Variants in PLEKHH2 observed in about 807,000 individuals in gnomAD.
PLEKHH2 encodes the protein pleckstrin homology domain-containing family H member 2.
Under a neutral mutation model 187.9 loss-of-function variants are expected in PLEKHH2, and 129 were observed. That is an observed-to-expected ratio of 0.69 (90% CI 0.59 to 0.79). PLEKHH2 has a LOEUF of 0.79. Ranked by LOEUF, PLEKHH2 falls within the 30% of genes least tolerant of loss-of-function variation. PLEKHH2 has a pLI of 0.00. For missense variants in PLEKHH2, 2,076 were observed against 1,751.2 expected (o/e 1.19, Z -3.31); for synonymous variants, 686 against 605.6 (o/e 1.13, Z -1.95).
intron 24 of PLEKHH2, among the ~76,000 whole-genome samples, chr2:43,753,086 A>G (rs1323638004): frequency 1.3e-5 from 2 of 152,176 alleles, no homozygotes; most frequent in Non-Finnish European, 2.9e-5. Context: ...AGGAAGGATC[A>G]TGAGGGTTTT....
Position 43,726,263 on chromosome 2 carries a change from T to G in PLEKHH2, c.2542-9T>G. On this transcript the variant is annotated splice_polypyrimidine_tract_variant and intron_variant, in intron 16 of 29. Coordinates refer to ENST00000282406, the MANE Select transcript of PLEKHH2 (RefSeq NM_172069.4). ...ATGCCTTCCTCACAATTACTAATAT[T>G]TACTTTAGTTTCCTTTAGGTCAGAT... is the stretch of plus-strand genomic sequence containing the variant. 1 of 1,578,170 alleles carries G rather than the reference T, an allele frequency of 6.3e-7. No homozygotes were observed. The highest frequency in any genetic ancestry group is 8.7e-7 in the Non-Finnish European group (1 of 1,151,582).
At position 43,728,173 on chromosome 2, in the gene PLEKHH2, A is replaced by C. The variant is rs536698920; in HGVS notation, c.2722-1464A>C. 1.8e-3 allele frequency among the ~76,000 whole-genome samples: 271 copies of C among 152,236 alleles called. 2 individuals are homozygous for C. The highest frequency in any genetic ancestry group is 3.2e-3 in the Non-Finnish European group (219 of 68,012). On this transcript the variant is annotated intron_variant, in intron 17 of 29. Transcript: ENST00000282406. ...AGTAATGACTCATAATTCTATTTCA[A>C]AAAATATATACTAAGAAAATGTTGG...
chr2:43,710,160 A>T (rs200849731), intron 12 of PLEKHH2, 34 bp downstream of exon 12: 104 of 1,609,656 alleles, frequency 6.5e-5, no homozygotes, highest in Admixed American at 2.9e-4. Context: ...AAAAGCAGTC[A>T]GTCAGATTGA....
At chr2:43,743,776 T>A in intron 22 of PLEKHH2, 58 bp from the exon 23 acceptor site, 1 of 1,449,726 alleles carries the variant, frequency 6.9e-7, no homozygotes, top group South Asian at 1.4e-5. Flanking sequence ...ATCCTTAAAA[T>A]CTCAGTTTGA....
In PLEKHH2 at chr2:43,694,340, T is replaced by G. The variant is rs1190227418; in HGVS notation, c.337-91T>G. ...AGATATAGTAACTTGGAATCAAGTT[T>G]TAAGTGGATATGCCTTGTATATTTA... On this transcript the variant is annotated intron_variant, in intron 4 of 29. Coordinates refer to ENST00000282406, the MANE Select transcript of PLEKHH2 (RefSeq NM_172069.4). 6 of 1,369,726 alleles carry G rather than the reference T, an allele frequency of 4.4e-6. No individual in the cohort carries two copies. In the East Asian group the frequency reaches 1.4e-4, roughly 32 times the overall value. The allele number at this position is 1,369,726 out of a possible 1,614,324, so 84.8% of individuals were successfully genotyped here.
At chr2:43,650,650 CTTT>C (rs111734015) in intron 2 of PLEKHH2, among the ~76,000 whole-genome samples, 1 of 141,462 alleles carries the variant, frequency 7.1e-6, no homozygotes, top group Admixed American at 7.1e-5. Flanking sequence ...TTTCTTTTTT[CTTT>C]TTTTTTTTTT....
At position 43,692,518 on chromosome 2, in the gene PLEKHH2, A is replaced by C; in HGVS notation, c.191A>C (p.Gln64Pro). 6.4e-7 allele frequency: 1 copy of C among 1,562,214 alleles called. No individual in the cohort carries two copies. The change falls in exon 4 of 30, where the codon CAA (glutamine) becomes CCA (proline). Residue 64 changes from glutamine (Q) to proline (P), a missense_variant. Gln to Pro is a moderately conservative substitution (Grantham distance 76). Transcript: ENST00000282406. Reference protein sequence around the residue: ...RQAEKAFQQVQVMEDKLKAAN... With the variant: ...RQAEKAFQQVPVMEDKLKAAN... ...TATTTTATCCTTTGAATTTAGGTAC[A>C]AGTTATGGAAGATAAATTAAAAGCA...
intron 20 of PLEKHH2, 28 bp from the exon 21 acceptor site, chr2:43,740,918 C>T: frequency 2.5e-6 from 4 of 1,609,610 alleles, no homozygotes; most frequent in Non-Finnish European, 3.4e-6. Context: ...CACGTGGTAT[C>T]TAACCTGTGG....
At chr2:43,641,204 T>C (rs1558399315) in intron 1 of PLEKHH2, among the ~76,000 whole-genome samples, 1 of 152,118 alleles carries the variant, frequency 6.6e-6, no homozygotes, top group Admixed American at 6.5e-5. Flanking sequence ...ATTTTTCCCA[T>C]TCTGTGGGTT....
intron 28 of PLEKHH2, 120 bp downstream of exon 28, chr2:43,762,510 A>G: frequency 1.4e-6 from 1 of 721,536 alleles, no homozygotes; most frequent in Non-Finnish European, 2.4e-6. Flanking sequence ...CATTCTTCCT[A>G]ATACTATGTC....
chr2:43,699,840 C>G lies in PLEKHH2; in HGVS notation c.882C>G (p.Ser294Arg). 1 of 1,612,136 alleles carries G rather than the reference C, an allele frequency of 6.2e-7. No homozygotes were observed. Among genetic ancestry groups the G allele is most frequent in the Non-Finnish European group, 8.5e-7 (1 of 1,178,230 alleles). Residue 294 changes from serine to arginine, a missense_variant, in exon 8 of 30, where the codon AGC becomes AGG. By Grantham distance (110) the Ser-to-Arg change is moderately radical. Transcript: ENST00000282406. ...SDWSSDEEDG[S>R]KGRSKSRCTS... is the part of the protein sequence containing the mutation. ...GGAGCTCTGATGAGGAAGACGGGAG[C>G]AAAGGAAGATCCAAGTCCAGATGCA...
chr2:43,669,649 G>A lies in PLEKHH2; in HGVS notation c.124-9214G>A, dbSNP rs572249045. Among the ~76,000 whole-genome samples the A allele has an allele frequency of 7.3e-5, 11 of 151,712 alleles. No individual in the cohort carries two copies. In the South Asian group the frequency reaches 1.0e-3, roughly 14 times the overall value. ...AACTAAGACTAAAGCAGAAGGAACC[G>A]AAGAATGGATAAACTCAACACATAA... On this transcript the variant is annotated intron_variant, in intron 2 of 29. Transcript: ENST00000282406.
rs78165749 is a variant in PLEKHH2 at position 43,658,287 on chromosome 2, G to A, written c.123+13491G>A. 9.9e-5 allele frequency among the ~76,000 whole-genome samples: 15 copies of A among 152,230 alleles called. 1 individual carries two copies. In the East Asian group the frequency reaches 2.7e-3, roughly 27 times the overall value. ...TAATTTATATTTTTCACACTTACGT[G>A]TATTAAATGATACATGAATTGTTTG... On this transcript the variant is annotated intron_variant, in intron 2 of 29. Coordinates refer to ENST00000282406, the MANE Select transcript of PLEKHH2 (RefSeq NM_172069.4).
intron 3 of PLEKHH2, among the ~76,000 whole-genome samples, chr2:43,685,606 CT>C (rs34341551): frequency 2.8e-3 from 377 of 135,624 alleles, no homozygotes; most frequent in African/African-American, 6.6e-3. Context: ...GTTTTTTAAC[CT>C]TTTTTTTTTT....
Position 43,697,164 on chromosome 2 carries a change from G to T in PLEKHH2, c.503-7G>T. 1 of 1,556,596 alleles carries T rather than the reference G, an allele frequency of 6.4e-7. No individual in the cohort carries two copies. The highest frequency in any genetic ancestry group is 8.7e-7 in the Non-Finnish European group (1 of 1,152,236). Reference sequence around the variant, plus strand: ...TCAAATCTTAATTTTGATTAACGATGTTGTAGAAGTTCAAGGAAAGAAGTC... The same window carrying T: ...TCAAATCTTAATTTTGATTAACGATTTTGTAGAAGTTCAAGGAAAGAAGTC... On this transcript the variant is annotated splice_polypyrimidine_tract_variant and splice_region_variant and intron_variant, in intron 6 of 29. Transcript: ENST00000282406.
intron 9 of PLEKHH2, among the ~76,000 whole-genome samples, chr2:43,704,477 C>T (rs1284723591): frequency 7.3e-5 from 11 of 151,544 alleles, no homozygotes; most frequent in Non-Finnish European, 1.5e-4. Context: ...CTGGCTAACA[C>T]GTTGAAACCC....
intron 16 of PLEKHH2, among the ~76,000 whole-genome samples, chr2:43,723,301 GA>G (rs1448329143): frequency 6.6e-6 from 1 of 151,982 alleles, no homozygotes; most frequent in Non-Finnish European, 1.5e-5. Flanking sequence ...GATTACAGGA[GA>G]AACATATACA....
At chr2:43,679,559 G>C in intron 3 of PLEKHH2, 1 of 296,494 alleles carries the variant, frequency 3.4e-6, no homozygotes, top group South Asian at 2.6e-5. Flanking sequence ...GCAGTGGCGC[G>C]ATCTTGGCTT....
intron 27 of PLEKHH2, among the ~76,000 whole-genome samples, chr2:43,760,503 C>G (rs1370936252): frequency 6.6e-6 from 1 of 151,886 alleles, no homozygotes; most frequent in Non-Finnish European, 1.5e-5. Flanking sequence ...GCTGGGATTA[C>G]AGGCGCACAC....
Sources: allele counts gnomAD v4.1 joint callset (sites outside exome capture counted in the v4.1 genomes callset), GRCh38; gene constraint gnomAD v4.1.1; transcripts MANE v1.5; gene names NCBI Gene and HGNC (gene_info 2026-07-23, HGNC 2026-07-21).